Variants in DNAH2 observed in about 807,000 individuals in gnomAD.
DNAH2 encodes the protein axonemal beta dynein heavy chain 2.
Under a neutral mutation model 523.5 loss-of-function variants are expected in DNAH2, and 323 were observed. The ratio of observed to expected loss-of-function variants is 0.62; its 90% confidence interval spans 0.56 to 0.68. DNAH2 has a LOEUF of 0.68. Among genes scored for constraint, DNAH2 ranks in the 30% least tolerant of loss-of-function variants. DNAH2 has a pLI of 0.00. For missense variants in DNAH2, 4,907 were observed against 5,701.5 expected (o/e 0.86, Z 4.49); for synonymous variants, 2,093 against 2,177.4 (o/e 0.96, Z 1.08).
chr17:7,771,593 ACCT>A, intron 28 of DNAH2, 125 bp downstream of exon 28: 1 of 1,043,900 alleles, frequency 9.6e-7, no homozygotes, highest in South Asian at 1.7e-5. Flanking sequence ...CATCTCCATC[ACCT>A]CTTCTAAGCA....
intron 58 of DNAH2, 138 bp from the exon 59 acceptor site, chr17:7,804,118 G>C (rs1260680136): frequency 4.8e-6 from 4 of 827,222 alleles, no homozygotes; most frequent in Non-Finnish European, 7.6e-6. Flanking sequence ...ATAGAATCCC[G>C]ACCAGGATGG....
Position 7,792,306 on chromosome 17 carries a change from G to C in DNAH2, c.7108G>C (p.Glu2370Gln). 1 of 1,614,084 alleles carries C rather than the reference G, an allele frequency of 6.2e-7. No homozygotes were observed. The highest frequency in any genetic ancestry group is 8.5e-7 in the Non-Finnish European group (1 of 1,180,004). The stretch of plus-strand genomic sequence containing the variant: ...CAAAATACGGAGTTGGACATCATTT[G>C]AGGACAAGCTCCCTAAGAGTTGGCG... ...DPKIRSWTSF[E>Q]DKLPKSWRYP... The change falls in exon 46 of 86, where the codon GAG becomes CAG. Residue 2370 changes from glutamate (E) to glutamine (Q), a missense_variant. This residue lies in a region of DNAH2 where 2,806 missense variants were observed against 3,190.8 expected (regional missense o/e 0.88). Coordinates refer to ENST00000572933, the MANE Select transcript of DNAH2 (RefSeq NM_020877.5).
chr17:7,758,557 A>G lies in DNAH2; in HGVS notation c.2114A>G (p.Asp705Gly), dbSNP rs905455448. The G allele has an allele frequency of 6.2e-7, 1 of 1,614,158 alleles. No individual in the cohort carries two copies. The highest frequency in any genetic ancestry group is 1.3e-5 in the African/African-American group (1 of 75,036). Residue 705 changes from aspartate (D) to glycine (G), a missense_variant, in exon 14 of 86, where the codon GAT becomes GGT. Asp to Gly is a moderately conservative substitution (Grantham distance 94, BLOSUM62 -1). Coordinates refer to ENST00000572933, the MANE Select transcript of DNAH2 (RefSeq NM_020877.5). ...TTCAAAGAGCGTATTCGGCTCCTGG[A>G]TAAGAAGATCCACCCGGGACTCAAG... ...ALFKERIRLL[D>G]KKIHPGLKKL...
chr17:7,816,499 A>G (rs2077669374), intron 63 of DNAH2, 72 bp from the exon 64 acceptor site: 2 of 1,538,720 alleles, frequency 1.3e-6, no homozygotes, highest in Non-Finnish European at 1.8e-6. Context: ...AAAATGGCAG[A>G]GTCATGATGT....
chr17:7,831,579 G>A lies in DNAH2; in HGVS notation c.12611+38G>A. On this transcript the variant is annotated intron_variant, in intron 81 of 85. Transcript: ENST00000572933. This position sits in a 1 kb window ranked among gnomAD's most constrained non-coding sequence, Gnocchi z 4.2. ...GGGACTCTGCGGAACAGGGGAGGGT[G>A]TGAGGAGAAGCCTTTGCCTTCTGGC... 1.9e-6 allele frequency: 3 copies of A among 1,613,910 alleles called. No homozygotes were observed. Among genetic ancestry groups the A allele is most frequent in the Non-Finnish European group, 2.5e-6 (3 of 1,179,852 alleles).
chr17:7,804,973 A>G lies in DNAH2; in HGVS notation c.9199A>G (p.Ser3067Gly). 6.2e-7 allele frequency: 1 copy of G among 1,614,182 alleles called. No homozygotes were observed. Among genetic ancestry groups the G allele is most frequent in the Non-Finnish European group, 8.5e-7 (1 of 1,180,008 alleles). Reference sequence around the variant, plus strand: ...TCATCCCTAGGCCGTAACAGCCAACAGTGAAAAGATTGCAGTTGAGGAAAT... The same window carrying G: ...TCATCCCTAGGCCGTAACAGCCAACGGTGAAAAGATTGCAGTTGAGGAAAT... The part of the protein sequence containing the change: ...DEQQKAVTAN[S>G]EKIAVEEIKC... The change falls in exon 60 of 86, where the codon AGT (serine) becomes GGT (glycine). Residue 3067 changes from serine to glycine, a missense_variant. By Grantham distance (56) the Ser-to-Gly change is moderately conservative. Around this residue, in one of 3 missense-constraint regions of DNAH2, gnomAD observed 1,851 missense variants for 2,139.4 expected, o/e 0.87. Coordinates refer to ENST00000572933, the MANE Select transcript of DNAH2 (RefSeq NM_020877.5).
At position 7,733,115 on chromosome 17, in the gene DNAH2, G is replaced by A. The variant is rs760100076; in HGVS notation, c.428G>A (p.Arg143His). 2.5e-5 allele frequency: 41 copies of A among 1,613,992 alleles called. No individual in the cohort carries two copies. The highest frequency in any genetic ancestry group is 3.4e-5 in the Non-Finnish European group (40 of 1,180,028). Residue 143 changes from arginine (R) to histidine (H), a missense_variant, in exon 5 of 86, where the codon CGC becomes CAC. Physicochemically the swap from Arg to His is conservative, Grantham distance 29. Around this residue, in one of 3 missense-constraint regions of DNAH2, gnomAD observed 2,806 missense variants for 3,190.8 expected, o/e 0.88. Transcript: ENST00000572933. ...QTQNQLVYFIRQAPVPITWEN... is the reference protein window; with the variant it reads ...QTQNQLVYFIHQAPVPITWEN... The stretch of plus-strand genomic sequence containing the variant: ...CAGAACCAGCTTGTCTACTTCATTC[G>A]CCAAGCACCAGTTCCCATCACCTGG...
intron 44 of DNAH2, among the ~76,000 whole-genome samples, chr17:7,789,383 C>T (rs73232359): frequency 0.039 from 5,929 of 152,062 alleles, 254 homozygotes; most frequent in East Asian, 0.14. Context: ...GGTCTGTAGC[C>T]GGATGTGGTG....
At chr17:7,757,309 T>TAC in intron 13 of DNAH2, 72 bp downstream of exon 13, 1 of 1,524,744 alleles carries the variant, frequency 6.6e-7, no homozygotes, top group Non-Finnish European at 8.9e-7. Flanking sequence ...ATCTGCCCTG[T>TAC]AATGTTGTTC....
At chr17:7,769,695 A>G (rs2076263714) in intron 24 of DNAH2, among the ~76,000 whole-genome samples, 1 of 152,182 alleles carries the variant, frequency 6.6e-6, no homozygotes, top group Non-Finnish European at 1.5e-5. Context: ...ACCATTGGGG[A>G]TAGATTTATA....
chr17:7,813,389 C>T (rs893042964), intron 63 of DNAH2, among the ~76,000 whole-genome samples: 1 of 151,734 alleles, frequency 6.6e-6, no homozygotes, highest in African/African-American at 2.4e-5. Context: ...CCATGCCTGG[C>T]CTTGTACAAG....
At chr17:7,749,185 G>A (rs1002954818) in intron 12 of DNAH2, among the ~76,000 whole-genome samples, 7 of 151,082 alleles carry the variant, frequency 4.6e-5, no homozygotes, top group Non-Finnish European at 1.0e-4. Context: ...GCAAGCGTCT[G>A]TAATCCCAGC....
chr17:7,743,157 T>C lies in DNAH2; in HGVS notation c.1904+15T>C. On this transcript the variant is annotated intron_variant, in intron 12 of 85. Transcript: ENST00000572933. ...AACTTTGACAAGTACAGGAGCCACC[T>C]GGCCCCTTTTCCCTATACTCCCCTT... 6.2e-7 allele frequency: 1 copy of C among 1,609,534 alleles called. No homozygotes were observed. The highest frequency in any genetic ancestry group is 2.2e-5 in the East Asian group (1 of 44,858).
rs1233678209 is a variant in DNAH2, at chr17:7,718,778, G to T, written c.-36G>T. ...ACAAAACAGTGTTCCTGCCCCTCAG[G>T]ACTTCAAAGCGATAGACCCAGGTGG... On this transcript the variant is annotated 5_prime_UTR_variant, in exon 1 of 86. Transcript: ENST00000572933. 6.5e-6 allele frequency: 1 copy of T among 152,776 alleles called. No individual in the cohort carries two copies. The highest frequency in any genetic ancestry group is 1.5e-5 in the Non-Finnish European group (1 of 68,072). The allele number at this position is 152,776 out of a possible 1,614,324, so 9.5% of individuals were successfully genotyped here.
intron 14 of DNAH2, 112 bp downstream of exon 14, chr17:7,758,763 G>T (rs1265582078): frequency 1.9e-6 from 3 of 1,557,370 alleles, no homozygotes; most frequent in East Asian, 4.5e-5. Flanking sequence ...AATTAAGTTT[G>T]CTTGGGGAAG....
At chr17:7,812,304 A>G (rs961002365) in intron 63 of DNAH2, among the ~76,000 whole-genome samples, 3 of 152,182 alleles carry the variant, frequency 2.0e-5, no homozygotes, top group Admixed American at 6.6e-5. Flanking sequence ...TATAAAATAT[A>G]TCATTATAAC....
chr17:7,792,957 A>G, intron 47 of DNAH2, 24 bp from the exon 48 acceptor site: 1 of 1,601,672 alleles, frequency 6.2e-7, no homozygotes, highest in Non-Finnish European at 8.5e-7. Flanking sequence ...GGACCCACAC[A>G]TTCATTCGGT....
At chr17:7,815,136 A>G (rs767134390) in intron 63 of DNAH2, among the ~76,000 whole-genome samples, 3 of 152,180 alleles carry the variant, frequency 2.0e-5, no homozygotes, top group Non-Finnish European at 4.4e-5. Context: ...TTTAAAGAAT[A>G]TCTTCTGGAG....
intron 61 of DNAH2, among the ~76,000 whole-genome samples, chr17:7,806,658 CAAAAAAAAAAAA>C (rs66460228): frequency 8.3e-5 from 5 of 60,570 alleles, no homozygotes; most frequent in African/African-American, 1.9e-4. Context: ...CACTCCATCT[CAAAAAAAAAAAA>C]AAAAAAAAAA....
Sources: gnomAD v4.1 joint callset for allele counts (sites outside exome capture counted in the v4.1 genomes callset) on GRCh38, gnomAD v4.1.1 for gene constraint, gnomAD v4.1.1 regional missense constraint, Gnocchi (gnomAD v3.1) non-coding constraint, MANE v1.5 for transcripts, NCBI Gene and HGNC (gene_info 2026-07-23, HGNC 2026-07-21) for gene names.